Variants in RAD23B observed in about 807,000 individuals in gnomAD.
RAD23B encodes the protein RAD23 nucleotide excision repair protein B, also known as lysine-specific demethylase RAD23B.
A neutral mutation model predicts 49.1 loss-of-function variants in RAD23B; 5 were observed. That is an observed-to-expected ratio of 0.10 (90% CI 0.05 to 0.21). The LOEUF is 0.21. Among genes scored for constraint, RAD23B ranks in the 10% least tolerant of loss-of-function variants. RAD23B has a pLI of 1.00. For missense variants in RAD23B, 356 were observed against 486.7 expected (o/e 0.73, Z 2.53); for synonymous variants, 184 against 165.4 (o/e 1.11, Z -0.86).
chr9:107,295,537 T>G (rs1345762084), intron 1 of RAD23B, among the ~76,000 whole-genome samples: 1 of 152,156 alleles, frequency 6.6e-6, no homozygotes, highest in African/African-American at 2.4e-5. Flanking sequence ...GAAAATAAGT[T>G]CCTCTGTCTT....
intron 9 of RAD23B, among the ~76,000 whole-genome samples, chr9:107,326,890 C>T (rs113001073): frequency 3.3e-4 from 50 of 152,068 alleles, no homozygotes; most frequent in African/African-American, 1.0e-3. Flanking sequence ...CCACCCGCCT[C>T]GGCCTCCTAA....
rs11573714 is a variant in RAD23B at position 107,323,816 on chromosome 9, C to T, written c.818-74C>T. 11,695 of 1,356,364 alleles carry T rather than the reference C, an allele frequency of 8.6e-3. 63 individuals carry two copies. Among genetic ancestry groups the T allele is most frequent in the Non-Finnish European group, 0.011 (10,040 of 949,204 alleles). 84.0% of individuals were successfully genotyped at this position (1,356,364 alleles called of 1,614,324 possible). On this transcript the variant is annotated intron_variant, in intron 7 of 9. Transcript: ENST00000358015. ...TTTTTTCTTTGATAGTGTTTGCTGTCTAAATGTATTATTTAACCACTGTTT... is the reference window on the plus strand; with the variant it reads ...TTTTTTCTTTGATAGTGTTTGCTGTTTAAATGTATTATTTAACCACTGTTT...
intron 5 of RAD23B, among the ~76,000 whole-genome samples, chr9:107,313,351 G>C (rs1826927680): frequency 1.3e-5 from 2 of 152,036 alleles, no homozygotes; most frequent in South Asian, 4.1e-4. Context: ...TCAGCCTCCT[G>C]AGTAGCTGGG....
At chr9:107,317,381 T>A (rs1174998750) in intron 5 of RAD23B, among the ~76,000 whole-genome samples, 5 of 152,074 alleles carry the variant, frequency 3.3e-5, no homozygotes, top group Non-Finnish European at 5.9e-5. Flanking sequence ...AGGTGCCATT[T>A]GTTTAAAGAG....
intron 5 of RAD23B, among the ~76,000 whole-genome samples, chr9:107,313,905 T>TTTCCTTTCTCCTTCCTTCCTCCTTCC (rs930920765): frequency 2.0e-5 from 3 of 151,904 alleles, no homozygotes; most frequent in Non-Finnish European, 4.4e-5. Flanking sequence ...TCCTTTCTCC[T>TTTCCTTTCTCCTTCCTTCCTCCTTCC]TTCCTTTCTC....
At chr9:107,314,178 T>A (rs1348191612) in intron 5 of RAD23B, among the ~76,000 whole-genome samples, 3 of 152,224 alleles carry the variant, frequency 2.0e-5, no homozygotes, top group African/African-American at 7.2e-5. Flanking sequence ...ACCTGGAAGA[T>A]AAGTCCAAAG....
chr9:107,284,934 C>T (rs1244294401), intron 1 of RAD23B: 2 of 1,299,478 alleles, frequency 1.5e-6, no homozygotes, highest in South Asian at 2.5e-5. Flanking sequence ...ACTTGGTGGT[C>T]AGTAAATGGA....
chr9:107,285,492 A>G (rs538178750), intron 1 of RAD23B, among the ~76,000 whole-genome samples: 2 of 152,342 alleles, frequency 1.3e-5, no homozygotes, highest in East Asian at 1.9e-4. Flanking sequence ...GACTCTGTCA[A>G]CAGCTCCACT....
At chr9:107,288,249 G>C (rs1483609789) in intron 1 of RAD23B, among the ~76,000 whole-genome samples, 1 of 152,150 alleles carries the variant, frequency 6.6e-6, no homozygotes, top group East Asian at 1.9e-4. Context: ...GTGTTTGCAT[G>C]TTGATTTATT....
At chr9:107,324,101 A>G (rs764703831) in intron 8 of RAD23B, 84 bp downstream of exon 8, 15 of 1,380,900 alleles carry the variant, frequency 1.1e-5, no homozygotes, top group Non-Finnish European at 1.5e-5. Flanking sequence ...CCCCTCCTCA[A>G]ATACAACTCT....
chr9:107,325,280 C>T (rs1827183762), intron 9 of RAD23B, among the ~76,000 whole-genome samples: 1 of 136,496 alleles, frequency 7.3e-6, no homozygotes, highest in South Asian at 2.3e-4. Context: ...TGCCACTGCA[C>T]TCCAGCCTGG....
intron 4 of RAD23B, among the ~76,000 whole-genome samples, chr9:107,308,082 C>T (rs1208959549): frequency 6.6e-6 from 1 of 151,504 alleles, no homozygotes; most frequent in Non-Finnish European, 1.5e-5. Flanking sequence ...TAAGTCAGCA[C>T]AATACATCTT....
chr9:107,300,366 C>A, intron 2 of RAD23B, 144 bp downstream of exon 2: 4 of 966,458 alleles, frequency 4.1e-6, no homozygotes, highest in African/African-American at 1.7e-5. Flanking sequence ...TCATTTGAAT[C>A]TAATATTAAT....
intron 1 of RAD23B, among the ~76,000 whole-genome samples, chr9:107,295,288 T>C (rs1391987147): frequency 1.3e-5 from 2 of 152,156 alleles, no homozygotes; most frequent in Admixed American, 1.3e-4. Context: ...AGTGTTTGTT[T>C]TTAAAATGAT....
At chr9:107,312,064 A>AT (rs1564247911) in intron 5 of RAD23B, among the ~76,000 whole-genome samples, 1 of 152,090 alleles carries the variant, frequency 6.6e-6, no homozygotes, top group Non-Finnish European at 1.5e-5. Context: ...TGGGTATGAA[A>AT]TTTTTCTAAG....
chr9:107,315,885 A>G (rs1354428285), intron 5 of RAD23B, among the ~76,000 whole-genome samples: 1 of 152,018 alleles, frequency 6.6e-6, no homozygotes, highest in African/African-American at 2.4e-5. Flanking sequence ...GCTTATGGGT[A>G]TTTTTTTGAG....
intron 1 of RAD23B, among the ~76,000 whole-genome samples, chr9:107,295,086 T>TGGGGG (rs200172742): frequency 1.4e-5 from 2 of 142,774 alleles, no homozygotes; most frequent in African/African-American, 5.1e-5. Flanking sequence ...CAGCGGTGGG[T>TGGGGG]GGGGGGGGAC....
At position 107,331,355 on chromosome 9, in the gene RAD23B, T is replaced by C. The variant is rs1162557258; in HGVS notation, c.*1699T>C. On this transcript the variant is annotated 3_prime_UTR_variant, in exon 10 of 10. Transcript: ENST00000358015. ...CCGTCTATACTAAAAATACAAAAAATAGCCAGGCATGGTGGCGCACGCCTG... is the reference window on the plus strand; with the variant it reads ...CCGTCTATACTAAAAATACAAAAAACAGCCAGGCATGGTGGCGCACGCCTG... 2 of 226,026 alleles carry C rather than the reference T, an allele frequency of 8.8e-6. No homozygotes were observed. Among genetic ancestry groups the C allele is most frequent in the Non-Finnish European group, 1.7e-5 (2 of 115,972 alleles). The allele number at this position is 226,026 out of a possible 1,614,324, so 14.0% of individuals were successfully genotyped here.
intron 1 of RAD23B, 131 bp downstream of exon 1, chr9:107,283,826 G>A: frequency 1.1e-6 from 1 of 951,714 alleles, no homozygotes; most frequent in African/African-American, 1.8e-5. Context: ...GGGTCCTGGT[G>A]CCGGCCCTGG....
Sources: allele counts gnomAD v4.1 joint callset (sites outside exome capture counted in the v4.1 genomes callset), GRCh38; gene constraint gnomAD v4.1.1; transcripts MANE v1.5; gene names NCBI Gene and HGNC (gene_info 2026-07-23, HGNC 2026-07-21).